BCAT1: variants seen among roughly 807,000 people sequenced by gnomAD.
BCAT1 encodes branched-chain-amino-acid aminotransferase, cytosolic.
Under a neutral mutation model 52.4 loss-of-function variants are expected in BCAT1, and 48 were observed. That is an observed-to-expected ratio of 0.92 (90% CI 0.73 to 1.16). The LOEUF (loss-of-function observed/expected upper bound fraction) is 1.16, where lower values mean the gene tolerates loss of function less well. Among genes scored for constraint, BCAT1 ranks in the 50% most tolerant of loss-of-function variants. The pLI, the probability that BCAT1 is intolerant of heterozygous loss-of-function variation, is 0.00. For synonymous variants in BCAT1, 167 were observed against 161.3 expected (o/e 1.04, Z -0.27); for missense variants, 451 against 457.1 (o/e 0.99, Z 0.12).
At chr12:24,842,433 A>C (rs986545446) in intron 6 of BCAT1, among the ~76,000 whole-genome samples, 7 of 152,222 alleles carry the variant, frequency 4.6e-5, no homozygotes, top group African/African-American at 1.7e-4. Context: ...TTCATTGGAG[A>C]GAGAACAACG....
At chr12:24,839,559 C>T (rs1941111030) in intron 7 of BCAT1, among the ~76,000 whole-genome samples, 1 of 152,184 alleles carries the variant, frequency 6.6e-6, no homozygotes, top group African/African-American at 2.4e-5. Flanking sequence ...TGTGATCTTG[C>T]CACCATGGGT....
chr12:24,930,384 A>G (rs898933003), intron 1 of BCAT1, among the ~76,000 whole-genome samples: 7 of 152,182 alleles, frequency 4.6e-5, no homozygotes, highest in African/African-American at 1.7e-4. Flanking sequence ...GAGTTCACAT[A>G]GTTCATGACG....
At chr12:24,840,490 G>A (rs1411008186) in intron 7 of BCAT1, among the ~76,000 whole-genome samples, 1 of 152,148 alleles carries the variant, frequency 6.6e-6, no homozygotes, top group Non-Finnish European at 1.5e-5. Flanking sequence ...AAATATTCCT[G>A]TATAAATTTT....
intron 6 of BCAT1, among the ~76,000 whole-genome samples, chr12:24,843,446 T>C (rs952670242): frequency 2.0e-5 from 3 of 151,880 alleles, no homozygotes; most frequent in Admixed American, 2.0e-4. Context: ...CTACTGAAAA[T>C]ACAAGAATTA....
intron 4 of BCAT1, among the ~76,000 whole-genome samples, chr12:24,878,871 G>T (rs906236039): frequency 6.6e-6 from 1 of 151,796 alleles, no homozygotes; most frequent in Non-Finnish European, 1.5e-5. Context: ...GAAAACATCA[G>T]TGTACCTCAT....
rs150623231 is a variant in BCAT1 at position 24,819,188 on chromosome 12, C to T, written c.1120-1139G>A. On this transcript the variant is annotated intron_variant, in intron 10 of 10. Transcript: ENST00000261192. ...CCAAGACTGCTCGCCATGTGTTCAC[C>T]GAGCCTTGTGTATTGAGACTGACTT... Among the ~76,000 whole-genome samples the T allele has an allele frequency of 5.3e-3, 804 of 152,024 alleles. 35 individuals are homozygous for T. Among genetic ancestry groups the T allele is most frequent in the Admixed American group, 0.049 (745 of 15,248 alleles).
At chr12:24,826,680 T>A (rs1940410753) in intron 10 of BCAT1, among the ~76,000 whole-genome samples, 1 of 152,210 alleles carries the variant, frequency 6.6e-6, no homozygotes, top group African/African-American at 2.4e-5. Context: ...AAGAAAGTCA[T>A]CAGTATTTTA....
chr12:24,849,734 TA>T (rs1472814398), intron 6 of BCAT1, 51 bp downstream of exon 6: 3 of 1,537,238 alleles, frequency 2.0e-6, no homozygotes, highest in Non-Finnish European at 2.6e-6. Flanking sequence ...TGGCACTAAC[TA>T]AATGGTCATG....
rs767724092 is a variant in BCAT1, at chr12:24,881,370, T to A, written c.321A>T (p.Lys107Asn). The change falls in exon 4 of 11, where the codon AAA (lysine) becomes AAT (asparagine). Residue 107 changes from lysine (K) to asparagine (N), a missense_variant. Lys to Asn is a moderately conservative substitution (Grantham distance 94). Transcript: ENST00000261192. ...TGAGGTTTGGCTGAAACAGTCGAAT[T>A]TTATTATCTACTCCTCGAAATGCCT... ...GLKAFRGVDN[K>N]IRLFQPNLNM... The A allele has an allele frequency of 1.9e-6, 3 of 1,613,282 alleles. No individual in the cohort carries two copies. Among genetic ancestry groups the A allele is most frequent in the Non-Finnish European group, 2.5e-6 (3 of 1,179,278 alleles).
intron 3 of BCAT1, among the ~76,000 whole-genome samples, chr12:24,889,252 C>T (rs140832078): frequency 2.0e-5 from 3 of 152,312 alleles, no homozygotes; most frequent in East Asian, 1.9e-4. Flanking sequence ...CACAAAATGA[C>T]GAACCCCAAG....
rs1312909101 is a variant in BCAT1, at chr12:24,901,858, AC to A, written c.33del (p.Glu11AspfsTer20). 3 of 1,613,858 alleles carry A rather than the reference AC, an allele frequency of 1.9e-6. No individual in the cohort carries two copies. The highest frequency in any genetic ancestry group is 2.5e-6 in the Non-Finnish European group (3 of 1,179,898). On this transcript the variant is annotated frameshift_variant, in exon 2 of 11. Transcript: ENST00000261192. LOFTEE classifies it high-confidence loss of function. MKDCSNGCSA[E>X]CTGEGGSKEV... ...TCTTTTGATCCTCCTTCTCCGGTAC[AC>A]TCTGCGGAGCATCCGTTACTGCAAT...
intron 1 of BCAT1, among the ~76,000 whole-genome samples, chr12:24,932,405 C>G (rs987055400): frequency 6.6e-6 from 1 of 152,204 alleles, no homozygotes; most frequent in African/African-American, 2.4e-5. Context: ...CAGGTGTCAG[C>G]TGAAAGTTCA....
chr12:24,815,233 G>C lies in BCAT1; in HGVS notation c.*2775C>G, dbSNP rs1190399289. On this transcript the variant is annotated 3_prime_UTR_variant, in exon 11 of 11. Coordinates refer to ENST00000261192, the MANE Select transcript of BCAT1 (RefSeq NM_005504.7). ...AATGTAGAAACTGAAAAAAGTGAAAGGAAGAGAACATGCAATATAAGTTAA... is the reference window on the plus strand; with the variant it reads ...AATGTAGAAACTGAAAAAAGTGAAACGAAGAGAACATGCAATATAAGTTAA... 1 of 152,164 alleles carries C rather than the reference G, an allele frequency of 6.6e-6. No individual in the cohort carries two copies. Among genetic ancestry groups the C allele is most frequent in the African/African-American group, 2.4e-5 (1 of 41,434 alleles). 9.4% of individuals were successfully genotyped at this position (152,164 alleles called of 1,614,324 possible). A position where few individuals can be genotyped will look rare whatever the true frequency, so the allele number is the denominator to read the frequency against.
rs1425085519 is a variant in BCAT1, at chr12:24,817,633, A to C, written c.*375T>G. The C allele has an allele frequency of 2.4e-5, 4 of 169,896 alleles. No homozygotes were observed. The highest frequency in any genetic ancestry group is 5.0e-5 in the Non-Finnish European group (4 of 79,926). 10.5% of individuals were successfully genotyped at this position (169,896 alleles called of 1,614,324 possible). On this transcript the variant is annotated 3_prime_UTR_variant, in exon 11 of 11. Transcript: ENST00000261192. ...AATTTTCTCAAATTAGCTTTCAAAC[A>C]CACACAAAAAATTGCATTTGTTTGA...
intron 1 of BCAT1, among the ~76,000 whole-genome samples, chr12:24,937,888 C>T (rs770781671): frequency 3.3e-5 from 5 of 152,144 alleles, no homozygotes; most frequent in Non-Finnish European, 7.4e-5. Flanking sequence ...AAAAATGACT[C>T]ATAGGACTTG....
At chr12:24,832,306 T>C (rs1276922206) in intron 9 of BCAT1, among the ~76,000 whole-genome samples, 5 of 152,212 alleles carry the variant, frequency 3.3e-5, no homozygotes, top group Non-Finnish European at 5.9e-5. Context: ...TAAGCTTACA[T>C]GAAATCACTG....
intron 10 of BCAT1, among the ~76,000 whole-genome samples, chr12:24,823,495 C>G (rs951053645): frequency 6.6e-6 from 1 of 152,168 alleles, no homozygotes; most frequent in African/African-American, 2.4e-5. Context: ...TTACTTTAGT[C>G]ACTAACATTC....
rs1939773520 is a variant in BCAT1 at position 24,813,737 on chromosome 12, G to C, written c.*4271C>G. 1 of 152,052 alleles carries C rather than the reference G, an allele frequency of 6.6e-6. No individual in the cohort carries two copies. Among genetic ancestry groups the C allele is most frequent in the Non-Finnish European group, 1.5e-5 (1 of 67,936 alleles). 9.4% of individuals were successfully genotyped at this position (152,052 alleles called of 1,614,324 possible). A position where few individuals can be genotyped will look rare whatever the true frequency, so the allele number is the denominator to read the frequency against. On this transcript the variant is annotated 3_prime_UTR_variant, in exon 11 of 11. Coordinates refer to ENST00000261192, the MANE Select transcript of BCAT1 (RefSeq NM_005504.7). ...CACTAGAAGAAAGGAAGGAATTAAAGAAGGATAAAGTTGCTTTAAAAATGA... is the reference window on the plus strand; with the variant it reads ...CACTAGAAGAAAGGAAGGAATTAAACAAGGATAAAGTTGCTTTAAAAATGA...
At chr12:24,902,757 T>C (rs559830934) in intron 1 of BCAT1, 1 of 825,732 alleles carries the variant, frequency 1.2e-6, no homozygotes, top group African/African-American at 1.8e-5. Flanking sequence ...AGGTGGAGAT[T>C]GCAGGCTGGG....
Sources: allele counts gnomAD v4.1 joint callset (sites outside exome capture counted in the v4.1 genomes callset), GRCh38; gene constraint gnomAD v4.1.1; transcripts MANE v1.5; gene names NCBI Gene and HGNC (gene_info 2026-07-23, HGNC 2026-07-21).